Variants in BDP1 observed in about 807,000 individuals in gnomAD.
BDP1 encodes the protein BDP1 general transcription factor IIIB subunit.
BDP1 carries 169 observed loss-of-function variants against 266.6 expected under a neutral mutation model. That is an observed-to-expected ratio of 0.63 (90% CI 0.56 to 0.72). The LOEUF (loss-of-function observed/expected upper bound fraction) is 0.72. BDP1 is among the 30% of genes least tolerant of loss of function. The pLI is 0.00. For missense variants in BDP1, 3,015 were observed against 3,053.8 expected (o/e 0.99, Z 0.30); for synonymous variants, 1,090 against 1,022.4 (o/e 1.07, Z -1.26).
At chr5:71,560,528 A>G (rs554507334) in intron 37 of BDP1, among the ~76,000 whole-genome samples, 1 of 152,358 alleles carries the variant, frequency 6.6e-6, no homozygotes, top group South Asian at 2.1e-4. Context: ...ATAATCTACC[A>G]TGTTCAGTAG....
chr5:71,543,531 G>A (rs915478047), intron 30 of BDP1, among the ~76,000 whole-genome samples: 1 of 152,310 alleles, frequency 6.6e-6, no homozygotes, highest in Non-Finnish European at 1.5e-5. Context: ...GTCGTAAATT[G>A]TGATATTGCC....
intron 11 of BDP1, among the ~76,000 whole-genome samples, chr5:71,491,873 A>G (rs7737101): frequency 0.45 from 67,715 of 151,964 alleles, 15,469 homozygotes; most frequent in South Asian, 0.55. Flanking sequence ...ATGTACCACC[A>G]TACCTGGATA....
chr5:71,541,552 G>C lies in BDP1; in HGVS notation c.6121G>C (p.Glu2041Gln). 1 of 1,612,160 alleles carries C rather than the reference G, an allele frequency of 6.2e-7. No homozygotes were observed. Among genetic ancestry groups the C allele is most frequent in the Non-Finnish European group, 8.5e-7 (1 of 1,178,780 alleles). The change falls in exon 29 of 39, where the codon GAA (glutamate) becomes CAA (glutamine). Residue 2041 changes from glutamate to glutamine, a missense_variant. Transcript: ENST00000358731. ...VNHKIVHECQ[E>Q]LSSPVITTSP... ...TCACAAAATTGTTCATGAATGTCAG[G>C]AACTTTCTTCACCTGTCATTACTAC...
At chr5:71,562,636 C>G in intron 38 of BDP1, 116 bp downstream of exon 38, 2 of 1,476,406 alleles carry the variant, frequency 1.4e-6, no homozygotes, top group East Asian at 4.6e-5. Context: ...TATTTTAGAG[C>G]AACTCCCATC....
At position 71,496,210 on chromosome 5, in the gene BDP1, C is replaced by G. The variant is rs368503653; in HGVS notation, c.1799+802C>G. On this transcript the variant is annotated intron_variant, in intron 12 of 38. Coordinates refer to ENST00000358731, the MANE Select transcript of BDP1 (RefSeq NM_018429.3). ...TGAGCTGAGATCATGCCACTGCACT[C>G]CAGCCTGGGCGACAGAGCGAGACTC... 1.0e-4 allele frequency among the ~76,000 whole-genome samples: 15 copies of G among 144,746 alleles called. 1 individual carries two copies. Among genetic ancestry groups the G allele is most frequent in the African/African-American group, 3.9e-4 (15 of 38,832 alleles). The allele number at this position is 144,746 out of a possible 152,430, so 95.0% of individuals were successfully genotyped here.
chr5:71,475,257 G>A (rs1762514153), intron 7 of BDP1, among the ~76,000 whole-genome samples: 1 of 151,962 alleles, frequency 6.6e-6, no homozygotes, highest in Non-Finnish European at 1.5e-5. Context: ...ACAGGCACAT[G>A]CCACTATGCC....
chr5:71,523,935 C>T lies in BDP1; in HGVS notation c.5388-4C>T. 1 of 1,602,348 alleles carries T rather than the reference C, an allele frequency of 6.2e-7. No homozygotes were observed. Among genetic ancestry groups the T allele is most frequent in the Non-Finnish European group, 8.5e-7 (1 of 1,174,268 alleles). On this transcript the variant is annotated splice_polypyrimidine_tract_variant and splice_region_variant and intron_variant, in intron 24 of 38. Coordinates refer to ENST00000358731, the MANE Select transcript of BDP1 (RefSeq NM_018429.3). ...CCTTATTGTTGTTTTGATTAAATAT[C>T]TAGCTGTCCACAACCGTTAAACGAA...
intron 7 of BDP1, among the ~76,000 whole-genome samples, chr5:71,472,150 G>A (rs964786564): frequency 6.6e-6 from 1 of 152,096 alleles, no homozygotes; most frequent in Non-Finnish European, 1.5e-5. Context: ...CTAGCAGGTC[G>A]TTGGGTAAAG....
chr5:71,526,046 G>T lies in BDP1; in HGVS notation c.5772+1723G>T, dbSNP rs528645105. Among the ~76,000 whole-genome samples the T allele has an allele frequency of 2.6e-5, 4 of 152,330 alleles. No individual in the cohort carries two copies. The South Asian group carries it at 8.3e-4, about 32-fold the overall frequency. On this transcript the variant is annotated intron_variant, in intron 25 of 38. Transcript: ENST00000358731. ...ACTTCCCAGACGGGGTGGCGGCCGG[G>T]CAGAGGCTGCAATCTCGGCACTTTG...
Position 71,517,394 on chromosome 5 carries a change from C to T in BDP1, c.4933C>T (p.Gln1645Ter). The T allele has an allele frequency of 6.2e-7, 1 of 1,604,720 alleles. No homozygotes were observed. Among genetic ancestry groups the T allele is most frequent in the Non-Finnish European group, 8.5e-7 (1 of 1,177,496 alleles). Residue 1645 changes from glutamine (Q) to a stop codon, truncating the protein, a stop_gained, in exon 22 of 39, where the codon CAA becomes TAA. Transcript: ENST00000358731. LOFTEE classifies it high-confidence loss of function. The stretch of plus-strand genomic sequence containing the variant: ...TCCAGAACACAGAATGTATGAAAAT[C>T]AAAGTCAGGTGGTTCTTGTAGAAAA... ...AVPEHRMYENQSQVVLVENLH... is the reference protein window; with the variant it reads ...AVPEHRMYEN
At chr5:71,502,195 T>C (rs1764288138) in intron 14 of BDP1, among the ~76,000 whole-genome samples, 1 of 151,086 alleles carries the variant, frequency 6.6e-6, no homozygotes, top group African/African-American at 2.4e-5. Flanking sequence ...CTCTCTTTTT[T>C]TTTTTTTTTG....
At chr5:71,459,551 T>C in intron 2 of BDP1, among the ~76,000 whole-genome samples, 1 of 152,186 alleles carries the variant, frequency 6.6e-6, no homozygotes, top group East Asian at 1.9e-4. Context: ...GAATTGGTAA[T>C]GTTTTCTAAA....
chr5:71,557,043 T>C, intron 36 of BDP1, 118 bp downstream of exon 36: 1 of 511,828 alleles, frequency 2.0e-6, no homozygotes, highest in Non-Finnish European at 3.3e-6. Context: ...AGAGTAATAC[T>C]TGTATTATCA....
At chr5:71,552,949 A>G (rs1260108722) in intron 34 of BDP1, among the ~76,000 whole-genome samples, 167 bp from the exon 35 acceptor site, 2 of 152,164 alleles carry the variant, frequency 1.3e-5, no homozygotes, top group East Asian at 1.9e-4. Flanking sequence ...TTTTGGGGCC[A>G]TGGCCGTGTA....
intron 7 of BDP1, among the ~76,000 whole-genome samples, chr5:71,477,660 G>T (rs1239065131): frequency 2.9e-5 from 4 of 138,576 alleles, no homozygotes; most frequent in Non-Finnish European, 4.6e-5. Flanking sequence ...ACTCTCTGTT[G>T]CCCAGGCTGG....
intron 11 of BDP1, among the ~76,000 whole-genome samples, 175 bp downstream of exon 11, chr5:71,491,306 T>C (rs1411169996): frequency 2.0e-5 from 3 of 152,204 alleles, no homozygotes; most frequent in Admixed American, 1.3e-4. Flanking sequence ...AGGATTGTTT[T>C]GTCTTGGTGA....
At chr5:71,525,866 T>C (rs1223313808) in intron 25 of BDP1, among the ~76,000 whole-genome samples, 1 of 151,350 alleles carries the variant, frequency 6.6e-6, no homozygotes, top group Non-Finnish European at 1.5e-5. Context: ...GAGGGGCTGC[T>C]CACTTCTCAG....
At chr5:71,527,676 T>G (rs1346104355) in intron 25 of BDP1, among the ~76,000 whole-genome samples, 2 of 152,218 alleles carry the variant, frequency 1.3e-5, no homozygotes, top group Non-Finnish European at 2.9e-5. Context: ...CAATGGACAC[T>G]TGGGTTGCTT....
chr5:71,491,223 G>A (rs550251524), intron 11 of BDP1, 92 bp downstream of exon 11: 231 of 1,242,486 alleles, frequency 1.9e-4, no homozygotes, highest in Non-Finnish European at 2.5e-4. Context: ...GGATTTGCCT[G>A]TTTCTTTTTT....
Sources: gnomAD v4.1 joint callset for allele counts (sites outside exome capture counted in the v4.1 genomes callset) on GRCh38, gnomAD v4.1.1 for gene constraint, MANE v1.5 for transcripts, NCBI Gene and HGNC (gene_info 2026-07-23, HGNC 2026-07-21) for gene names.